The following KIRREL3 variants were observed in gnomAD, a reference collection of about 807,000 sequenced individuals.
KIRREL3 encodes kirre like nephrin family adhesion molecule 3, also known as kin of IRRE-like protein 3.
KIRREL3 carries 36 observed loss-of-function variants against 89.7 expected under a neutral mutation model. The ratio of observed to expected loss-of-function variants is 0.40; its 90% CI spans 0.31 to 0.53. The LOEUF is 0.53. Among genes scored for constraint, KIRREL3 ranks in the 20% least tolerant of loss-of-function variants. The pLI, the probability that KIRREL3 is intolerant of heterozygous loss-of-function variation, is 0.49. For missense variants in KIRREL3, 864 were observed against 1,056.6 expected, an observed-to-expected ratio of 0.82 and a Z score of 2.53; for synonymous variants, 445 against 441.4, an observed-to-expected ratio of 1.01 and a Z score of -0.10.
Position 126,485,551 on chromosome 11 carries a change from C to A in KIRREL3, c.434-12085G>T, listed in dbSNP as rs948380959. Among the ~76,000 whole-genome samples, 1 of 152,200 alleles carries A rather than the reference C, an allele frequency of 6.6e-6. No individual in the cohort carries two copies. The highest frequency in any genetic ancestry group is 2.4e-5 in the African/African-American group (1 of 41,446). ...GTAGCTGTTGTACAGGGCTGGTGTG[C>A]TGTTTAAATGAGTTCATGTAAGAGT... On this transcript the variant is annotated intron_variant, in intron 4 of 16. Coordinates refer to ENST00000525144, the MANE Select transcript of KIRREL3 (RefSeq NM_032531.4). The surrounding 1 kb of genome is among the most constrained non-coding windows in gnomAD (Gnocchi z 5.8).
chr11:126,582,036 G>A (rs1349682343), intron 1 of KIRREL3, among the ~76,000 whole-genome samples: 1 of 152,158 alleles, frequency 6.6e-6, no homozygotes, highest in South Asian at 2.1e-4. Flanking sequence ...AGGGTCACAC[G>A]GCTATGTGAC....
In KIRREL3 at chr11:126,704,886, G is replaced by A. The variant is rs77056370; in HGVS notation, c.56-141974C>T. 1.2e-4 allele frequency among the ~76,000 whole-genome samples: 18 copies of A among 152,282 alleles called. No individual in the cohort carries two copies. Among genetic ancestry groups the A allele is most frequent in the Non-Finnish European group, 2.6e-4 (18 of 68,028 alleles). ...AAGGGAAGCAGTATTCTCCTCCTGC[G>A]ACCATGCCATGGGATGAAAGCCTCT... On this transcript the variant is annotated intron_variant, in intron 1 of 16. Coordinates refer to ENST00000525144, the MANE Select transcript of KIRREL3 (RefSeq NM_032531.4). The surrounding 1 kb of genome is among the most constrained non-coding windows in gnomAD (Gnocchi z 4.2).
chr11:126,521,551 A>T lies in KIRREL3; in HGVS notation c.284-87T>A, dbSNP rs1958587357. The T allele has an allele frequency of 8.1e-7, 1 of 1,241,944 alleles. No individual in the cohort carries two copies. Among genetic ancestry groups the T allele is most frequent in the Non-Finnish European group, 1.1e-6 (1 of 903,454 alleles). 76.9% of individuals were successfully genotyped at this position (1,241,944 alleles called of 1,614,324 possible). A position where few individuals can be genotyped will look rare whatever the true frequency, so the allele number is the denominator to read the frequency against. On this transcript the variant is annotated intron_variant, in intron 3 of 16. Transcript: ENST00000525144. The surrounding 1 kb of genome is among the most constrained non-coding windows in gnomAD (Gnocchi z 4.1). ...GAGGCACAGAATGGAGGACCCAAGCAGGGGCCATTCTACAAGGCTGGCAGA... is the reference window on the plus strand; with the variant it reads ...GAGGCACAGAATGGAGGACCCAAGCTGGGGCCATTCTACAAGGCTGGCAGA...
intron 2 of KIRREL3, among the ~76,000 whole-genome samples, chr11:126,536,683 G>A (rs568402403): frequency 2.0e-4 from 24 of 119,002 alleles, no homozygotes; most frequent in Non-Finnish European, 3.3e-4. Flanking sequence ...TCGTTCTGTC[G>A]CCCAGGCTAA....
At chr11:126,939,555 G>A (rs1316090304) in intron 1 of KIRREL3, among the ~76,000 whole-genome samples, 1 of 152,160 alleles carries the variant, frequency 6.6e-6, no homozygotes, top group Non-Finnish European at 1.5e-5. Flanking sequence ...GGCGTTTCCA[G>A]GAGAAAGGCT....
At position 126,738,844 on chromosome 11, in the gene KIRREL3, G is replaced by A. The variant is rs796786410; in HGVS notation, c.56-175932C>T. On this transcript the variant is annotated intron_variant, in intron 1 of 16. Coordinates refer to ENST00000525144, the MANE Select transcript of KIRREL3 (RefSeq NM_032531.4). ...GAAGAAATGGGCTTCCACCCACCTCGGAGGCCTGATGTGCTGTCACACCAG... is the reference window on the plus strand; with the variant it reads ...GAAGAAATGGGCTTCCACCCACCTCAGAGGCCTGATGTGCTGTCACACCAG... 4.5e-4 allele frequency among the ~76,000 whole-genome samples: 69 copies of A among 152,208 alleles called. 1 individual carries two copies. The highest frequency in any genetic ancestry group is 1.4e-3 in the South Asian group (7 of 4,830).
At position 126,999,635 on chromosome 11, in the gene KIRREL3, C is replaced by T. The variant is rs565447586; in HGVS notation, c.55+820G>A. 3.5e-4 allele frequency among the ~76,000 whole-genome samples: 54 copies of T among 152,262 alleles called. No individual in the cohort carries two copies. In the Middle Eastern group the frequency reaches 0.01, roughly 29 times the overall value. On this transcript the variant is annotated intron_variant, in intron 1 of 16. Coordinates refer to ENST00000525144, the MANE Select transcript of KIRREL3 (RefSeq NM_032531.4). This position sits in a 1 kb window ranked among gnomAD's most constrained non-coding sequence, Gnocchi z 5.7. ...CAATTCCACAGGTGACTTTTGATGC[C>T]TTTGGCCAACTAGGCACTCACATTC...
At chr11:126,591,993 G>T (rs914747743) in intron 1 of KIRREL3, among the ~76,000 whole-genome samples, 1 of 152,096 alleles carries the variant, frequency 6.6e-6, no homozygotes, top group Non-Finnish European at 1.5e-5. Context: ...CATCCTTCAG[G>T]GTGCAGTGCC....
Position 126,636,736 on chromosome 11 carries a change from T to C in KIRREL3, c.56-73824A>G, listed in dbSNP as rs1326091857. 6.6e-6 allele frequency among the ~76,000 whole-genome samples: 1 copy of C among 152,208 alleles called. No homozygotes were observed. On this transcript the variant is annotated intron_variant, in intron 1 of 16. Transcript: ENST00000525144. This position sits in a 1 kb window ranked among gnomAD's most constrained non-coding sequence, Gnocchi z 4.4. Reference sequence around the variant, plus strand: ...TGGCCTGATGGGCTAAGCTAGGCCCTTTGTACCACCTCAGAACAGCAGGGG... The same window carrying C: ...TGGCCTGATGGGCTAAGCTAGGCCCCTTGTACCACCTCAGAACAGCAGGGG...
In KIRREL3 at chr11:126,748,638, G is replaced by A. The variant is rs1349823182; in HGVS notation, c.56-185726C>T. On this transcript the variant is annotated intron_variant, in intron 1 of 16. Transcript: ENST00000525144. This position sits in a 1 kb window ranked among gnomAD's most constrained non-coding sequence, Gnocchi z 4.6. Reference sequence around the variant, plus strand: ...GAAAGAAGAGGCCTCTGCGGGAAGGGGGCAGGGGCAGGAAGGCCAAGGCTG... The same window carrying A: ...GAAAGAAGAGGCCTCTGCGGGAAGGAGGCAGGGGCAGGAAGGCCAAGGCTG... Among the ~76,000 whole-genome samples, 2 of 152,052 alleles carry A rather than the reference G, an allele frequency of 1.3e-5. No individual in the cohort carries two copies. The highest frequency in any genetic ancestry group is 2.9e-5 in the Non-Finnish European group (2 of 68,016).
rs572398182 is a variant in KIRREL3, at chr11:126,782,540, A to G, written c.55+217915T>C. Among the ~76,000 whole-genome samples, 1 of 152,326 alleles carries G rather than the reference A, an allele frequency of 6.6e-6. No individual in the cohort carries two copies. Among genetic ancestry groups the G allele is most frequent in the African/African-American group, 2.4e-5 (1 of 41,564 alleles). The stretch of plus-strand genomic sequence containing the variant: ...CGACTTTTGTATTAATTCAGAAAAG[A>G]AATTCGTAGGTTTACAATTCTATAT... On this transcript the variant is annotated intron_variant, in intron 1 of 16. Coordinates refer to ENST00000525144, the MANE Select transcript of KIRREL3 (RefSeq NM_032531.4). This position sits in a 1 kb window ranked among gnomAD's most constrained non-coding sequence, Gnocchi z 4.1.
chr11:126,781,666 T>C (rs767505686), intron 1 of KIRREL3, among the ~76,000 whole-genome samples: 9 of 152,328 alleles, frequency 5.9e-5, no homozygotes, highest in Admixed American at 2.6e-4. Flanking sequence ...AATCACATTG[T>C]GGAAGGTGCC....
rs2135195675 is a variant in KIRREL3, at chr11:126,965,669, G to A, written c.55+34786C>T. On this transcript the variant is annotated intron_variant, in intron 1 of 16. Transcript: ENST00000525144. The surrounding 1 kb of genome is among the most constrained non-coding windows in gnomAD (Gnocchi z 4.4). ...GGAGAGGTCAGAGCCATGGATAATCGAAACCTCAGCCAAAAGAAGATCAAT... is the reference window on the plus strand; with the variant it reads ...GGAGAGGTCAGAGCCATGGATAATCAAAACCTCAGCCAAAAGAAGATCAAT... 6.6e-6 allele frequency among the ~76,000 whole-genome samples: 1 copy of A among 152,230 alleles called. No homozygotes were observed. The highest frequency in any genetic ancestry group is 2.4e-5 in the African/African-American group (1 of 41,544).
chr11:126,577,105 GCT>G (rs1941294202), intron 1 of KIRREL3, among the ~76,000 whole-genome samples: 1 of 152,162 alleles, frequency 6.6e-6, no homozygotes. Context: ...ATGTCACAGA[GCT>G]CTCTTTCAAT....
chr11:126,578,473 C>T lies in KIRREL3; in HGVS notation c.56-15561G>A, dbSNP rs1252293450. Among the ~76,000 whole-genome samples, 1 of 152,140 alleles carries T rather than the reference C, an allele frequency of 6.6e-6. No individual in the cohort carries two copies. Among genetic ancestry groups the T allele is most frequent in the African/African-American group, 2.4e-5 (1 of 41,424 alleles). On this transcript the variant is annotated intron_variant, in intron 1 of 16. Coordinates refer to ENST00000525144, the MANE Select transcript of KIRREL3 (RefSeq NM_032531.4). The surrounding 1 kb of genome is among the most constrained non-coding windows in gnomAD (Gnocchi z 4.9). ...CTCCGTGCCTACCTGCTAATAAGAG[C>T]GGGAGTGTGGATTGTGCACATAGGT...
chr11:126,835,253 G>A (rs1201255924), intron 1 of KIRREL3, among the ~76,000 whole-genome samples: 1 of 152,254 alleles, frequency 6.6e-6, no homozygotes, highest in African/African-American at 2.4e-5. Flanking sequence ...GCCCAAGAAG[G>A]TATGTGGCAC....
At chr11:126,470,791 T>A (rs1412770156) in intron 5 of KIRREL3, among the ~76,000 whole-genome samples, 2 of 152,048 alleles carry the variant, frequency 1.3e-5, no homozygotes, top group African/African-American at 2.4e-5. Context: ...GGAATTGTGG[T>A]TCCAGGCCTG....
chr11:126,793,087 C>T (rs988320534), intron 1 of KIRREL3, among the ~76,000 whole-genome samples: 4 of 152,022 alleles, frequency 2.6e-5, no homozygotes, highest in Admixed American at 1.3e-4. Flanking sequence ...CATGTGTTAA[C>T]TTTTACCTTT....
chr11:126,451,317 G>A (rs1423497924), intron 7 of KIRREL3, among the ~76,000 whole-genome samples: 21 of 92,218 alleles, frequency 2.3e-4, no homozygotes, highest in African/African-American at 7.4e-4. Flanking sequence ...TGTGCATGTG[G>A]TTGTGTGCAT....
Sources: gnomAD v4.1 joint callset for allele counts (sites outside exome capture counted in the v4.1 genomes callset) on GRCh38, gnomAD v4.1.1 for gene constraint, Gnocchi (gnomAD v3.1) non-coding constraint, MANE v1.5 for transcripts, NCBI Gene and HGNC (gene_info 2026-07-23, HGNC 2026-07-21) for gene names.